The following DPY30 variants were observed in gnomAD, a reference collection of about 807,000 sequenced individuals.
DPY30 encodes protein dpy-30 homolog.
In DPY30, 6 loss-of-function variants were observed where a neutral mutation model predicts 16.2. The observed-to-expected ratio is 0.37, with a 90% CI of 0.20 to 0.73. The LOEUF (loss-of-function observed/expected upper bound fraction) is 0.73. Among genes scored for constraint, DPY30 ranks in the 30% least tolerant of loss-of-function variants. The probability of loss-of-function intolerance (pLI) is 0.51; values close to 1 mark genes in which losing one functional copy is unlikely to be tolerated. For synonymous variants in DPY30, 39 were observed against 38.8 expected (o/e 1.00, Z -0.02); for missense variants, 73 against 113.1 (o/e 0.65, Z 1.61).
At chr2:32,039,358 A>G (rs756480015) in intron 2 of DPY30, 32 bp from the exon 3 acceptor site, 1 of 1,613,928 alleles carries the variant, frequency 6.2e-7, no homozygotes, top group Non-Finnish European at 8.5e-7. Flanking sequence ...ACAGAGATAT[A>G]AGTCCCCCCT....
chr2:32,039,345 G>A lies in DPY30; in HGVS notation c.37-19C>T. 6.2e-7 allele frequency: 1 copy of A among 1,614,056 alleles called. No homozygotes were observed. The highest frequency in any genetic ancestry group is 8.5e-7 in the Non-Finnish European group (1 of 1,180,010). The stretch of plus-strand genomic sequence containing the variant: ...CTGCAACCTAGAAAACAAAACACCG[G>A]TCACAGAGATATAAGTCCCCCCTTT... On this transcript the variant is annotated intron_variant, in intron 2 of 4. Transcript: ENST00000342166.
chr2:32,022,806 G>A (rs549104840), downstream of DPY30, among the ~76,000 whole-genome samples: 2 of 151,916 alleles, frequency 1.3e-5, no homozygotes, highest in South Asian at 2.1e-4. Flanking sequence ...GTGAGCCACC[G>A]CACCCGGCCA....
At chr2:32,015,842 C>A (rs904381208) in intron 5 of DPY30, among the ~76,000 whole-genome samples, 4 of 148,324 alleles carry the variant, frequency 2.7e-5, no homozygotes, top group African/African-American at 1.0e-4. Flanking sequence ...CAGAGCAAGA[C>A]CCTGTCTAAA....
At chr2:32,032,223 A>G (rs1211058995) in intron 3 of DPY30, among the ~76,000 whole-genome samples, 2 of 152,232 alleles carry the variant, frequency 1.3e-5, no homozygotes, top group Non-Finnish European at 2.9e-5. Context: ...TCTATGAAAT[A>G]CAAAGTTTTT....
At chr2:32,034,102 G>A (rs139708865) in intron 3 of DPY30, among the ~76,000 whole-genome samples, 13 of 152,242 alleles carry the variant, frequency 8.5e-5, no homozygotes, top group Admixed American at 2.6e-4. Flanking sequence ...GAAGAAAGGC[G>A]CATGGAGACA....
At chr2:32,031,012 T>C (rs1254385601) in intron 3 of DPY30, among the ~76,000 whole-genome samples, 1 of 152,220 alleles carries the variant, frequency 6.6e-6, no homozygotes, top group Non-Finnish European at 1.5e-5. Context: ...ACAAGTTATA[T>C]TTTCTTCTTC....
At chr2:32,017,629 AAG>A (rs1201349381) in intron 5 of DPY30, among the ~76,000 whole-genome samples, 1 of 151,876 alleles carries the variant, frequency 6.6e-6, no homozygotes, top group African/African-American at 2.4e-5. Context: ...AAAAAAAAAA[AAG>A]AAAAAAGAAA....
intron 5 of DPY30, among the ~76,000 whole-genome samples, chr2:32,016,557 A>G (rs1406037422): frequency 6.6e-6 from 1 of 152,216 alleles, no homozygotes; most frequent in Non-Finnish European, 1.5e-5. Context: ...ATGACATTTA[A>G]ATAAAAGTTC....
rs397984233 is a variant in DPY30, at chr2:32,012,419, C to CTTTTTTTTTTTT, written n.378-379_378-368dup. Among the ~76,000 whole-genome samples the CTTTTTTTTTTTT allele has an allele frequency of 2.8e-4, 23 of 81,702 alleles. 1 individual carries two copies. The highest frequency in any genetic ancestry group is 4.7e-4 in the African/African-American group (10 of 21,294). The allele number at this position is 81,702 out of a possible 152,430, so 53.6% of individuals were successfully genotyped here. ...TGTATCCAAAACCTCTCTCTTTTTTCTTTTTTTTTTTTTTTTTTTTTTTTT... is the reference window on the plus strand; with the variant it reads ...TGTATCCAAAACCTCTCTCTTTTTTCTTTTTTTTTTTTTTTTTTTTTTTTTTTTTTTTTTTTT... On this transcript the variant is annotated intron_variant and non_coding_transcript_variant, in intron 5 of 5. Transcript: ENST00000414013.
At chr2:32,017,610 C>G (rs1243235393) in intron 5 of DPY30, among the ~76,000 whole-genome samples, 1 of 79,992 alleles carries the variant, frequency 1.3e-5, no homozygotes, top group African/African-American at 5.3e-5. Flanking sequence ...ACCAAAACAC[C>G]ATCTCAAAAA....
chr2:32,020,335 G>A (rs971576247), downstream of DPY30, among the ~76,000 whole-genome samples: 9 of 152,016 alleles, frequency 5.9e-5, no homozygotes, highest in East Asian at 3.9e-4. Context: ...GTGAGAACCC[G>A]TCTCTGCAAA....
chr2:32,029,905 T>A (rs897365631), intron 3 of DPY30, among the ~76,000 whole-genome samples, 169 bp from the exon 4 acceptor site: 4 of 152,130 alleles, frequency 2.6e-5, no homozygotes, highest in Non-Finnish European at 4.4e-5. Context: ...GACCCATCTT[T>A]CAATCTCATT....
At chr2:32,019,123 T>A (rs1675119883), downstream of DPY30, among the ~76,000 whole-genome samples, 1 of 152,188 alleles carries the variant, frequency 6.6e-6, no homozygotes, top group Non-Finnish European at 1.5e-5. Context: ...AGACAGAGTC[T>A]CGCTCTATCA....
At chr2:32,031,058 G>A (rs1295638155) in intron 3 of DPY30, among the ~76,000 whole-genome samples, 2 of 152,016 alleles carry the variant, frequency 1.3e-5, no homozygotes, top group African/African-American at 2.4e-5. Context: ...AAATAGATTC[G>A]ACTGACATTC....
chr2:32,014,170 A>T (rs1675020388), intron 5 of DPY30, among the ~76,000 whole-genome samples: 1 of 151,898 alleles, frequency 6.6e-6, no homozygotes, highest in Non-Finnish European at 1.5e-5. Context: ...AAACTAGGAT[A>T]TACATACGCA....
intron 4 of DPY30, among the ~76,000 whole-genome samples, chr2:32,027,695 C>T (rs1181420437): frequency 7.5e-6 from 1 of 133,544 alleles, no homozygotes; most frequent in Non-Finnish European, 1.5e-5. Flanking sequence ...GTGGCGCAAT[C>T]TCGGCTCACT....
intron 3 of DPY30, among the ~76,000 whole-genome samples, chr2:32,032,850 T>C (rs1308753537): frequency 6.7e-6 from 1 of 150,250 alleles, no homozygotes; most frequent in African/African-American, 2.5e-5. Flanking sequence ...ACAAAACTTA[T>C]CTGGGCATGG....
In DPY30 at chr2:32,038,355, G is replaced by A. The variant is rs1350548205; in HGVS notation, c.84+924C>T. 9.5e-5 allele frequency among the ~76,000 whole-genome samples: 13 copies of A among 136,324 alleles called. No homozygotes were observed. In the Admixed American group the frequency reaches 1.1e-3, roughly 12 times the overall value. The allele number at this position is 136,324 out of a possible 152,430, so 89.4% of individuals were successfully genotyped here. A position where few individuals can be genotyped will look rare whatever the true frequency, so the allele number is the denominator to read the frequency against. On this transcript the variant is annotated intron_variant, in intron 3 of 4. Transcript: ENST00000342166. ...GACCTCAGGTGATCAGCTAGCCTTG[G>A]CCCTCAAAGTGCTGGGATTACAAGG...
intron 3 of DPY30, among the ~76,000 whole-genome samples, chr2:32,033,833 C>T (rs972110853): frequency 2.0e-5 from 3 of 152,104 alleles, no homozygotes; most frequent in African/African-American, 7.2e-5. Flanking sequence ...TTGAACTAAC[C>T]TAAAAATAGA....
Sources: allele counts gnomAD v4.1 joint callset (sites outside exome capture counted in the v4.1 genomes callset), GRCh38; gene constraint gnomAD v4.1.1; transcripts MANE v1.5; gene names NCBI Gene and HGNC (gene_info 2026-07-23, HGNC 2026-07-21).